Variants in TRIM44 observed in about 807,000 individuals in gnomAD.
TRIM44 encodes the protein tripartite motif containing 44.
In TRIM44, 13 loss-of-function variants were observed where a neutral mutation model predicts 37.4. The observed-to-expected ratio is 0.35, with a 90% CI of 0.23 to 0.55. The LOEUF (loss-of-function observed/expected upper bound fraction) is 0.55, where lower values mean the gene tolerates loss of function less well. Among genes scored for constraint, TRIM44 ranks in the 20% least tolerant of loss-of-function variants. The pLI is 0.89. For missense variants in TRIM44, 426 were observed against 437.2 expected (o/e 0.97, Z 0.23); for synonymous variants, 175 against 157.2 (o/e 1.11, Z -0.85).
At chr11:35,801,875 A>G (rs1373160042) in intron 4 of TRIM44, among the ~76,000 whole-genome samples, 1 of 152,212 alleles carries the variant, frequency 6.6e-6, no homozygotes, top group East Asian at 1.9e-4. Flanking sequence ...TTTTTGTTTT[A>G]CATCCCCTAA....
At chr11:35,681,436 GGGTGTC>G (rs1321281059) in intron 1 of TRIM44, among the ~76,000 whole-genome samples, 1 of 152,148 alleles carries the variant, frequency 6.6e-6, no homozygotes, top group Non-Finnish European at 1.5e-5. Context: ...TCTGAGTGGT[GGGTGTC>G]ACAATGTAGC....
At chr11:35,723,148 A>T (rs571168334) in intron 2 of TRIM44, among the ~76,000 whole-genome samples, 9 of 149,310 alleles carry the variant, frequency 6.0e-5, no homozygotes, top group African/African-American at 2.0e-4. Flanking sequence ...ATTCTCATTT[A>T]TAACTCTTTT....
intron 4 of TRIM44, among the ~76,000 whole-genome samples, chr11:35,763,082 A>T (rs1159267905): frequency 1.3e-5 from 2 of 152,178 alleles, no homozygotes; most frequent in African/African-American, 4.8e-5. Flanking sequence ...TCCACTCTGG[A>T]TCAGCTTTAG....
intron 4 of TRIM44, among the ~76,000 whole-genome samples, chr11:35,788,885 A>T (rs2133876095): frequency 6.6e-6 from 1 of 152,338 alleles, no homozygotes; most frequent in African/African-American, 2.4e-5. Flanking sequence ...AACATAAACT[A>T]AGTTGTTCCA....
Position 35,806,454 on chromosome 11 carries a change from C to G in TRIM44, c.*69C>G. On this transcript the variant is annotated 3_prime_UTR_variant, in exon 5 of 5. Transcript: ENST00000299413. Reference sequence around the variant, plus strand: ...GTATGTGACAGCGTGTATGTAACGGCTTCTGATTTCTGTGAAAGCTGCTCA... The same window carrying G: ...GTATGTGACAGCGTGTATGTAACGGGTTCTGATTTCTGTGAAAGCTGCTCA... 1 of 1,550,380 alleles carries G rather than the reference C, an allele frequency of 6.5e-7. No homozygotes were observed.
chr11:35,725,187 G>A (rs1445427583), intron 2 of TRIM44, among the ~76,000 whole-genome samples: 2 of 151,740 alleles, frequency 1.3e-5, no homozygotes, highest in Non-Finnish European at 2.9e-5. Flanking sequence ...AAGTAGAAAA[G>A]TAAGACAACC....
chr11:35,755,452 G>A (rs1390022032), intron 4 of TRIM44, among the ~76,000 whole-genome samples: 3 of 152,068 alleles, frequency 2.0e-5, no homozygotes, highest in African/African-American at 2.4e-5. Context: ...CATTCTGTAG[G>A]TTGCCTGTTC....
chr11:35,719,984 G>A (rs922247479), intron 2 of TRIM44, among the ~76,000 whole-genome samples: 7 of 151,924 alleles, frequency 4.6e-5, no homozygotes, highest in Non-Finnish European at 7.4e-5. Context: ...GCAGTTCTTC[G>A]GCTTTGTTCT....
In TRIM44 at chr11:35,778,940, C is replaced by T. The variant is rs569826845; in HGVS notation, c.1008-27418C>T. On this transcript the variant is annotated intron_variant, in intron 4 of 4. Transcript: ENST00000299413. Reference sequence around the variant, plus strand: ...AGTCTGTCCATTCTCAGATCTCAAACGCCGTTGTGGGAGAACCACTACTCT... The same window carrying T: ...AGTCTGTCCATTCTCAGATCTCAAATGCCGTTGTGGGAGAACCACTACTCT... Among the ~76,000 whole-genome samples the T allele has an allele frequency of 1.8e-3, 269 of 152,300 alleles. 2 individuals are homozygous for T. Among genetic ancestry groups the T allele is most frequent in the Middle Eastern group, 3.4e-3 (1 of 294 alleles).
chr11:35,666,323 T>C (rs1851331923), intron 1 of TRIM44, among the ~76,000 whole-genome samples: 1 of 152,232 alleles, frequency 6.6e-6, no homozygotes, highest in South Asian at 2.1e-4. Context: ...TAATATCTGG[T>C]AAAGCAGGTC....
chr11:35,666,504 CT>C (rs1357841550), intron 1 of TRIM44, among the ~76,000 whole-genome samples: 2 of 152,214 alleles, frequency 1.3e-5, no homozygotes, highest in East Asian at 3.9e-4. Context: ...TAATTTAGGT[CT>C]TTTTTATTGC....
At chr11:35,736,430 A>G (rs1210861145) in intron 4 of TRIM44, among the ~76,000 whole-genome samples, 2 of 152,232 alleles carry the variant, frequency 1.3e-5, no homozygotes, top group African/African-American at 2.4e-5. Flanking sequence ...GTCGCTTATT[A>G]AAAGAAGCTA....
At chr11:35,718,417 AT>A (rs1852062997) in intron 2 of TRIM44, among the ~76,000 whole-genome samples, 1 of 152,216 alleles carries the variant, frequency 6.6e-6, no homozygotes, top group African/African-American at 2.4e-5. Flanking sequence ...CATTTTAAAA[AT>A]AGATATTTTT....
rs547356190 is a variant in TRIM44 at position 35,808,334 on chromosome 11, A to G, written c.*1949A>G. 6.6e-6 allele frequency: 1 copy of G among 152,220 alleles called. No individual in the cohort carries two copies. Among genetic ancestry groups the G allele is most frequent in the Non-Finnish European group, 1.5e-5 (1 of 68,026 alleles). The allele number at this position is 152,220 out of a possible 1,614,324, so 9.4% of individuals were successfully genotyped here. ...GGCATACCATTAATTACAACCACCA[A>G]TCATATCCAACAAAAGTACCCTAAA... On this transcript the variant is annotated 3_prime_UTR_variant, in exon 5 of 5. Coordinates refer to ENST00000299413, the MANE Select transcript of TRIM44 (RefSeq NM_017583.6).
At chr11:35,798,198 A>G (rs1002138500) in intron 4 of TRIM44, among the ~76,000 whole-genome samples, 7 of 152,162 alleles carry the variant, frequency 4.6e-5, no homozygotes, top group Non-Finnish European at 7.4e-5. Flanking sequence ...TTAGCTTTCC[A>G]CTGAATCAAA....
intron 4 of TRIM44, among the ~76,000 whole-genome samples, chr11:35,774,215 A>G (rs1852918148): frequency 6.6e-6 from 1 of 152,190 alleles, no homozygotes; most frequent in South Asian, 2.1e-4. Flanking sequence ...CATTTCTCTC[A>G]TAGCCGGTGA....
intron 4 of TRIM44, among the ~76,000 whole-genome samples, chr11:35,777,562 A>G (rs1852989153): frequency 1.3e-5 from 2 of 152,200 alleles, no homozygotes; most frequent in African/African-American, 2.4e-5. Flanking sequence ...GGTCTTTACA[A>G]TTTGGCATGT....
At chr11:35,722,224 G>A (rs1343144020) in intron 2 of TRIM44, among the ~76,000 whole-genome samples, 6 of 152,168 alleles carry the variant, frequency 3.9e-5, no homozygotes, top group African/African-American at 1.4e-4. Context: ...GAGATATTTA[G>A]AGTCTTCAAA....
chr11:35,762,003 C>T (rs1244711356), intron 4 of TRIM44, among the ~76,000 whole-genome samples: 1 of 152,126 alleles, frequency 6.6e-6, no homozygotes, highest in Admixed American at 6.5e-5. Flanking sequence ...TTTTCCCTTT[C>T]CTTGGGAGGT....
Sources: gnomAD v4.1 joint callset for allele counts (sites outside exome capture counted in the v4.1 genomes callset) on GRCh38, gnomAD v4.1.1 for gene constraint, MANE v1.5 for transcripts, NCBI Gene and HGNC (gene_info 2026-07-23, HGNC 2026-07-21) for gene names.